The following CEP131 variants were observed in gnomAD, a reference collection of about 807,000 sequenced individuals.
The protein encoded by CEP131 is centrosomal protein of 131 kDa.
A neutral mutation model predicts 136.8 loss-of-function variants in CEP131; 99 were observed. The ratio of observed to expected loss-of-function variants is 0.72; its 90% CI spans 0.62 to 0.86. The LOEUF (loss-of-function observed/expected upper bound fraction) is 0.86. Ranked by LOEUF, CEP131 falls within the 40% of genes least tolerant of loss-of-function variation. The pLI is 0.00. For synonymous variants in CEP131, 646 were observed against 612.7 expected (o/e 1.05, Z -0.80); for missense variants, 1,459 against 1,463.0 (o/e 1.00, Z 0.04).
At chr17:81,218,612 T>C (rs1178380975) in intron 2 of CEP131, among the ~76,000 whole-genome samples, 1 of 152,256 alleles carries the variant, frequency 6.6e-6, no homozygotes, top group Non-Finnish European at 1.5e-5. Context: ...CCGGCCACAA[T>C]GACACATCAG....
In CEP131 at chr17:81,219,879, C is replaced by T; in HGVS notation, c.177+1G>A. 1.2e-6 allele frequency: 2 copies of T among 1,602,424 alleles called. No individual in the cohort carries two copies. The highest frequency in any genetic ancestry group is 1.7e-6 in the Non-Finnish European group (2 of 1,173,976). On this transcript the variant is annotated splice_donor_variant, in intron 2 of 25. Coordinates refer to ENST00000450824, the MANE Select transcript of CEP131 (RefSeq NM_014984.4). LOFTEE classifies it high-confidence loss of function. This position sits in a 1 kb window ranked among gnomAD's most constrained non-coding sequence, Gnocchi z 4.0. The stretch of plus-strand genomic sequence containing the variant: ...CCGGACTCCTAGGCCACAGTACTCA[C>T]CAGCACCTTCCTCTTCTGCTCGCTG...
chr17:81,217,979 G>A (rs919404842), intron 2 of CEP131, among the ~76,000 whole-genome samples: 4 of 152,104 alleles, frequency 2.6e-5, no homozygotes, highest in African/African-American at 7.2e-5. Context: ...CAACAAGAGA[G>A]CTGCAATTTC....
intron 18 of CEP131, among the ~76,000 whole-genome samples, chr17:81,193,364 C>T (rs1567849252): frequency 6.6e-6 from 1 of 152,220 alleles, no homozygotes; most frequent in East Asian, 1.9e-4. Flanking sequence ...CGACAGGCAA[C>T]AGGGTGGATA....
intron 8 of CEP131, 156 bp from the exon 9 acceptor site, chr17:81,199,991 C>T: frequency 2.7e-6 from 2 of 746,562 alleles, no homozygotes; most frequent in Non-Finnish European, 4.5e-6. Flanking sequence ...CTTGAACCTG[C>T]CATTTCTCTG....
intron 15 of CEP131, among the ~76,000 whole-genome samples, 195 bp downstream of exon 15, chr17:81,196,506 G>A (rs1396223038): frequency 6.6e-6 from 1 of 152,254 alleles, no homozygotes; most frequent in Non-Finnish European, 1.5e-5. Context: ...GGCGGCTCTG[G>A]ATAAAGACAG....
rs1375937441 is a variant in CEP131 at position 81,193,979 on chromosome 17, C to A, written c.2268G>T (p.Leu756=). ...LRQAEELREQ[L]EREKEALGQQ... ...GGCCCAGCGCCTCCTTCTCCCGCTCCAGCTGCTCCCGCAGCTCCTCGGCCT... is the reference window on the plus strand; with the variant it reads ...GGCCCAGCGCCTCCTTCTCCCGCTCAAGCTGCTCCCGCAGCTCCTCGGCCT... Residue 756 remains leucine (L), a synonymous_variant, in exon 18 of 26, where the codon CTG becomes CTT. Transcript: ENST00000450824. The A allele has an allele frequency of 1.3e-6, 2 of 1,547,338 alleles. No individual in the cohort carries two copies. The highest frequency in any genetic ancestry group is 1.4e-5 in the African/African-American group (1 of 72,622).
Position 81,197,764 on chromosome 17 carries a change from A to C in CEP131, c.1595T>G (p.Phe532Cys). The C allele has an allele frequency of 6.2e-7, 1 of 1,613,086 alleles. No homozygotes were observed. Among genetic ancestry groups the C allele is most frequent in the Admixed American group, 1.7e-5 (1 of 60,006 alleles). ...CCCAGACTTCTCCATCTCGTCCAAG[A>C]AGCTCATGATGCTTTGTAGCTTGGC... ...SEAKLQSIMS[F>C]LDEMEKSGQD... Residue 532 changes from phenylalanine to cysteine, a missense_variant, in exon 13 of 26, where the codon TTC becomes TGC. This residue lies in a region of CEP131 where 1,026 missense variants were observed against 964.2 expected (regional missense o/e 1.06). Transcript: ENST00000450824.
chr17:81,216,825 T>C (rs1407329304), intron 2 of CEP131, among the ~76,000 whole-genome samples: 2 of 152,224 alleles, frequency 1.3e-5, no homozygotes, highest in African/African-American at 2.4e-5. Flanking sequence ...GCCATGGGAT[T>C]ATGGGTGCCC....
At chr17:81,191,891 G>A (rs971019641) in intron 21 of CEP131, among the ~76,000 whole-genome samples, 17 of 152,274 alleles carry the variant, frequency 1.1e-4, no homozygotes, top group African/African-American at 3.1e-4. Flanking sequence ...GCCTCGCGGC[G>A]GGCATGGGTG....
Position 81,209,004 on chromosome 17 carries a change from C to T in CEP131, c.196G>A (p.Gly66Ser), listed in dbSNP as rs757010864. Reference sequence around the variant, plus strand: ...CTAAGGTTGTTGATGGCCTGGGAGCCCCCAGGCCCTGTGGCCTCCTGCAAA... The same window carrying T: ...CTAAGGTTGTTGATGGCCTGGGAGCTCCCAGGCCCTGTGGCCTCCTGCAAA... Reference protein sequence around the residue: ...RKVLEATGPGGSQAINNLRRS... With the variant: ...RKVLEATGPGSSQAINNLRRS... The change falls in exon 3 of 26, where the codon GGC becomes AGC. Residue 66 changes from glycine to serine, a missense_variant. By Grantham distance (56) the Gly-to-Ser change is moderately conservative. Around this residue, in one of 3 missense-constraint regions of CEP131, gnomAD observed 187 missense variants for 179.9 expected, o/e 1.04. Coordinates refer to ENST00000450824, the MANE Select transcript of CEP131 (RefSeq NM_014984.4). 2.1e-5 allele frequency: 34 copies of T among 1,611,444 alleles called. No homozygotes were observed. The highest frequency in any genetic ancestry group is 2.7e-5 in the Non-Finnish European group (32 of 1,177,780).
In CEP131 at chr17:81,199,334, G is replaced by A. The variant is rs932341517; in HGVS notation, c.1192+47C>T. 7 of 1,530,542 alleles carry A rather than the reference G, an allele frequency of 4.6e-6. No homozygotes were observed. The African/African-American group carries it at 9.5e-5, about 21-fold the overall frequency. The allele number at this position is 1,530,542 out of a possible 1,614,324, so 94.8% of individuals were successfully genotyped here. On this transcript the variant is annotated intron_variant, in intron 10 of 25. Transcript: ENST00000450824. ...CCACAAGGGCTGCACTTCCTTCCTG[G>A]CTGCAGTCCACCCCCCAGAGCAGGG...
chr17:81,203,745 A>G lies in CEP131; in HGVS notation c.516-138T>C, dbSNP rs1296906404. The G allele has an allele frequency of 7.5e-6, 5 of 662,438 alleles. No individual in the cohort carries two copies. The highest frequency in any genetic ancestry group is 7.4e-5 in the South Asian group (4 of 53,826). 41.0% of individuals were successfully genotyped at this position (662,438 alleles called of 1,614,324 possible). On this transcript the variant is annotated intron_variant, in intron 5 of 25. Transcript: ENST00000450824. This position sits in a 1 kb window ranked among gnomAD's most constrained non-coding sequence, Gnocchi z 4.6. ...CTACGTGCTGGCAGCATTGTCGTCCAGTGTCCCCAGGCCCCTTCCACAGCC... is the reference window on the plus strand; with the variant it reads ...CTACGTGCTGGCAGCATTGTCGTCCGGTGTCCCCAGGCCCCTTCCACAGCC...
In CEP131 at chr17:81,219,963, G is replaced by GTGTCCCT; in HGVS notation, c.93_94insAGGGACA (p.Pro33AspfsTer44). On this transcript the variant is annotated frameshift_variant, in exon 2 of 26. Transcript: ENST00000450824. LOFTEE classifies it high-confidence loss of function. The surrounding 1 kb of genome is among the most constrained non-coding windows in gnomAD (Gnocchi z 4.0). The stretch of plus-strand genomic sequence containing the variant: ...TTGGTGGTGGCGGCACTGCCAGGAC[G>GTGTCCCT]CCGGGACACAGGCGGAGGGAGACCT... 1 of 1,612,014 alleles carries GTGTCCCT rather than the reference G, an allele frequency of 6.2e-7. No homozygotes were observed. The highest frequency in any genetic ancestry group is 8.5e-7 in the Non-Finnish European group (1 of 1,179,218).
chr17:81,192,695 G>A (rs774406647), intron 19 of CEP131, 41 bp downstream of exon 19: 13 of 1,446,912 alleles, frequency 9.0e-6, no homozygotes, highest in Admixed American at 7.5e-5. Context: ...GTCAGCCAGC[G>A]AGGGGTCCCT....
intron 2 of CEP131, among the ~76,000 whole-genome samples, chr17:81,212,194 G>T (rs763226719): frequency 1.3e-5 from 2 of 151,500 alleles, no homozygotes; most frequent in Non-Finnish European, 2.9e-5. Context: ...ATGGTGGCAC[G>T]CACCTGTAAT....
chr17:81,211,609 A>AG (rs1341429996), intron 2 of CEP131, among the ~76,000 whole-genome samples: 1 of 152,190 alleles, frequency 6.6e-6, no homozygotes, highest in Non-Finnish European at 1.5e-5. Flanking sequence ...TTTGTTTACC[A>AG]GGGGCCTTGG....
At position 81,194,952 on chromosome 17, in the gene CEP131, T is replaced by C; in HGVS notation, c.2037A>G (p.Glu679=). Residue 679 remains glutamate (E), a synonymous_variant, in exon 17 of 26, where the codon GAA becomes GAG. Transcript: ENST00000450824. The stretch of plus-strand genomic sequence containing the variant: ...GGGCTTTCTCGGTGGCGCTCATTAA[T>C]TCTTTGAGTTTTTTAATCTCCTACG... ...QHELEIKKLK[E]LMSATEKARR... The C allele has an allele frequency of 6.4e-7, 1 of 1,550,962 alleles. No homozygotes were observed. The highest frequency in any genetic ancestry group is 8.7e-7 in the Non-Finnish European group (1 of 1,152,972).
At chr17:81,207,092 G>C in intron 4 of CEP131, 33 bp downstream of exon 4, 1 of 1,592,866 alleles carries the variant, frequency 6.3e-7, no homozygotes, top group Non-Finnish European at 8.6e-7. Context: ...CCATCACAGA[G>C]ACCAGGACGT....
intron 5 of CEP131, among the ~76,000 whole-genome samples, chr17:81,206,178 C>T (rs960154846): frequency 1.1e-4 from 16 of 151,970 alleles, no homozygotes; most frequent in African/African-American, 3.6e-4. Context: ...CATGCCACCG[C>T]ACTCCAGCCT....
Sources: allele counts gnomAD v4.1 joint callset (sites outside exome capture counted in the v4.1 genomes callset), GRCh38; gene constraint gnomAD v4.1.1; regional missense constraint gnomAD v4.1.1; non-coding constraint Gnocchi (gnomAD v3.1); transcripts MANE v1.5; gene names NCBI Gene and HGNC (gene_info 2026-07-23, HGNC 2026-07-21).